Variants in TTI1 observed in about 807,000 individuals in gnomAD.
TTI1 encodes TELO2 interacting protein 1.
In TTI1, 52 loss-of-function variants were observed where a neutral mutation model predicts 85.4. The ratio of observed to expected loss-of-function variants is 0.61; its 90% CI spans 0.49 to 0.77. The LOEUF is 0.77. TTI1 is among the 30% of genes least tolerant of loss of function. TTI1 has a pLI of 0.00. For synonymous variants in TTI1, 512 were observed against 503.9 expected, an observed-to-expected ratio of 1.02 and a Z score of -0.22; for missense variants, 1,173 against 1,296.0, an observed-to-expected ratio of 0.91 and a Z score of 1.46.
chr20:37,989,895 C>T (rs956152730), intron 7 of TTI1, among the ~76,000 whole-genome samples: 2 of 152,208 alleles, frequency 1.3e-5, no homozygotes, highest in African/African-American at 2.4e-5. Context: ...ACTGCAAGGA[C>T]GTTGAGGATA....
rs751775236 is a variant in TTI1 at position 37,983,616 on chromosome 20, A to G, written c.3110T>C (p.Val1037Ala). 1 of 1,538,542 alleles carries G rather than the reference A, an allele frequency of 6.5e-7. No homozygotes were observed. Among genetic ancestry groups the G allele is most frequent in the Admixed American group, 2.0e-5 (1 of 50,504 alleles). Residue 1037 changes from valine to alanine, a missense_variant, in exon 8 of 8, where the codon GTG becomes GCG. Physicochemically the swap from Val to Ala is moderately conservative, Grantham distance 64. Transcript: ENST00000373447. ...ARSVFLHLMK[V>A]DPDSTWFLLN... ...GAGGAACCAGGTGGAGTCTGGGTCC[A>G]CCTTCATCAAGTGGAGGAAGACGCT...
At chr20:38,003,303 A>G (rs1304992602) in intron 3 of TTI1, among the ~76,000 whole-genome samples, 1 of 152,160 alleles carries the variant, frequency 6.6e-6, no homozygotes, top group Non-Finnish European at 1.5e-5. Context: ...TTATAAAATA[A>G]TATTGTCTTA....
At chr20:37,992,499 G>A (rs1255453387) in intron 7 of TTI1, among the ~76,000 whole-genome samples, 3 of 152,146 alleles carry the variant, frequency 2.0e-5, no homozygotes, top group Non-Finnish European at 4.4e-5. Context: ...CTGGCCTGGA[G>A]CTCCTGAGCC....
intron 7 of TTI1, among the ~76,000 whole-genome samples, chr20:37,986,577 AC>A (rs2073193330): frequency 6.6e-6 from 1 of 152,096 alleles, no homozygotes; most frequent in Non-Finnish European, 1.5e-5. Context: ...TCCTTCTCCC[AC>A]CTCTGTGGCT....
At chr20:38,020,445 T>C (rs1005035493) in intron 1 of TTI1, among the ~76,000 whole-genome samples, 36 of 149,090 alleles carry the variant, frequency 2.4e-4, no homozygotes, top group African/African-American at 8.4e-4. Flanking sequence ...ATCTCTGTGA[T>C]CCTGGAGTAG....
In TTI1 at chr20:38,012,468, C is replaced by T. The variant is rs36059660; in HGVS notation, c.1349G>A (p.Arg450His). Residue 450 changes from arginine (R) to histidine (H), a missense_variant, in exon 2 of 8, where the codon CGT (arginine) becomes CAT (histidine). By Grantham distance (29) the Arg-to-His change is conservative (BLOSUM62 0). Coordinates refer to ENST00000373447, the MANE Select transcript of TTI1 (RefSeq NM_001303457.2). ...AGCATTCAGATCATCAGAGTTCCAA[C>T]GCCGTTCCTCAACAATCTTGATGTC... ...VADIKIVEER[R>H]WNSDDLNASP... is the part of the protein sequence containing the mutation. 7.4e-3 allele frequency: 12,024 copies of T among 1,614,210 alleles called. 55 individuals carry two copies. Among genetic ancestry groups the T allele is most frequent in the Non-Finnish European group, 9.1e-3 (10,737 of 1,180,048 alleles).
intron 2 of TTI1, among the ~76,000 whole-genome samples, chr20:38,010,765 C>T (rs183937171): frequency 1.1e-4 from 16 of 152,180 alleles, no homozygotes; most frequent in African/African-American, 3.1e-4. Flanking sequence ...CATGAGCCAC[C>T]GCCCCCAGCC....
chr20:38,005,845 C>T lies in TTI1; in HGVS notation c.2503+352G>A, dbSNP rs142445901. On this transcript the variant is annotated intron_variant, in intron 3 of 7. Transcript: ENST00000373447. ...AGGTCACATGCACAGAATCATCCAC[C>T]GCAGCACTGTTTATTAGAGTTATTA... 6.6e-3 allele frequency: 1,536 copies of T among 232,892 alleles called. 12 individuals are homozygous for T. The highest frequency in any genetic ancestry group is 0.023 in the African/African-American group (996 of 43,048). The allele number at this position is 232,892 out of a possible 1,614,324, so 14.4% of individuals were successfully genotyped here. A position where few individuals can be genotyped will look rare whatever the true frequency, so the allele number is the denominator to read the frequency against.
chr20:37,996,291 G>T, intron 7 of TTI1, 84 bp downstream of exon 7: 1 of 1,408,486 alleles, frequency 7.1e-7, no homozygotes, highest in Admixed American at 1.7e-5. Context: ...AAAGAGCAGA[G>T]ATGCCTCAAC....
In TTI1 at chr20:38,011,921, T is replaced by A; in HGVS notation, c.1896A>T (p.Glu632Asp). Residue 632 changes from glutamate to aspartate, a missense_variant, in exon 2 of 8, where the codon GAA (glutamate) becomes GAT (aspartate). Transcript: ENST00000373447. ...SNIWQICIQL[E>D]GIGQFAYALG... ...GTGCATATGCAAACTGGCCAATTCC[T>A]TCCAACTGAATGCATATTTGCCAGA... 1 of 1,614,240 alleles carries A rather than the reference T, an allele frequency of 6.2e-7. No individual in the cohort carries two copies. The highest frequency in any genetic ancestry group is 8.5e-7 in the Non-Finnish European group (1 of 1,180,042).
chr20:37,985,350 G>A (rs572934307), intron 7 of TTI1, among the ~76,000 whole-genome samples: 8 of 152,254 alleles, frequency 5.3e-5, no homozygotes, highest in East Asian at 1.9e-4. Flanking sequence ...GAACTTCAAC[G>A]CCTGCTAAGT....
intron 5 of TTI1, among the ~76,000 whole-genome samples, chr20:37,998,583 A>C (rs567221021): frequency 1.1e-4 from 16 of 152,332 alleles, no homozygotes; most frequent in African/African-American, 3.8e-4. Flanking sequence ...AGCCAGGGAG[A>C]ATAATACCTT....
At chr20:38,017,008 A>G (rs925792747) in intron 1 of TTI1, among the ~76,000 whole-genome samples, 3 of 152,046 alleles carry the variant, frequency 2.0e-5, no homozygotes, top group African/African-American at 7.3e-5. Context: ...AATTTATAAA[A>G]CTTGCAATTT....
intron 2 of TTI1, 35 bp downstream of exon 2, chr20:38,011,480 C>T: frequency 6.2e-7 from 1 of 1,601,890 alleles, no homozygotes; most frequent in Non-Finnish European, 8.5e-7. Flanking sequence ...GTCCTGTCCC[C>T]CACACATCAG....
intron 5 of TTI1, among the ~76,000 whole-genome samples, chr20:37,998,795 A>G (rs1470862813): frequency 1.3e-5 from 2 of 152,180 alleles, no homozygotes; most frequent in Non-Finnish European, 2.9e-5. Context: ...ACTCCTGTGC[A>G]GTGCAAATAT....
At chr20:37,989,281 C>T (rs1342051072) in intron 7 of TTI1, among the ~76,000 whole-genome samples, 3 of 152,218 alleles carry the variant, frequency 2.0e-5, no homozygotes, top group Admixed American at 6.5e-5. Context: ...CATGCATACT[C>T]ACACAGAGAC....
intron 1 of TTI1, among the ~76,000 whole-genome samples, chr20:38,022,136 G>A (rs1027069429): frequency 9.9e-5 from 15 of 152,192 alleles, no homozygotes; most frequent in African/African-American, 3.6e-4. Flanking sequence ...ATGAGACAGA[G>A]ATGCCATTGT....
intron 7 of TTI1, among the ~76,000 whole-genome samples, chr20:37,984,255 T>C (rs1443850314): frequency 6.6e-6 from 1 of 152,212 alleles, no homozygotes; most frequent in Non-Finnish European, 1.5e-5. Context: ...TTTGGCAGGC[T>C]GTCAAAGGGT....
intron 1 of TTI1, among the ~76,000 whole-genome samples, chr20:38,020,318 A>G (rs2073745855): frequency 1.2e-5 from 1 of 84,172 alleles, no homozygotes; most frequent in African/African-American, 4.7e-5. Flanking sequence ...ATGAAAAAAA[A>G]AAAAAATATA....
Sources: allele counts gnomAD v4.1 joint callset (sites outside exome capture counted in the v4.1 genomes callset), GRCh38; gene constraint gnomAD v4.1.1; transcripts MANE v1.5; gene names NCBI Gene and HGNC (gene_info 2026-07-23, HGNC 2026-07-21).